ZNF804B: variants seen among roughly 807,000 people sequenced by gnomAD.
ZNF804B encodes zinc finger protein 804B, also known as zinc finger 804B.
A neutral mutation model predicts 101.4 loss-of-function variants in ZNF804B; 80 were observed. That is an observed-to-expected ratio of 0.79 (90% CI 0.66 to 0.95). ZNF804B has a LOEUF of 0.95. ZNF804B is among the 40% of genes least tolerant of loss of function. The pLI, the probability that ZNF804B is intolerant of heterozygous loss-of-function variation, is 0.00. For synonymous variants in ZNF804B, 622 were observed against 558.8 expected, an observed-to-expected ratio of 1.11 and a Z score of -1.59; for missense variants, 1,673 against 1,561.9, an observed-to-expected ratio of 1.07 and a Z score of -1.20.
chr7:88,904,773 T>C (rs945050496), intron 1 of ZNF804B, among the ~76,000 whole-genome samples: 2 of 152,214 alleles, frequency 1.3e-5, no homozygotes, highest in Non-Finnish European at 2.9e-5. Context: ...TACGTAGAAA[T>C]GCTACTGATT....
chr7:89,087,890 C>T (rs1047386356), intron 1 of ZNF804B, among the ~76,000 whole-genome samples: 12 of 151,702 alleles, frequency 7.9e-5, no homozygotes, highest in Non-Finnish European at 1.6e-4. Context: ...CAGGAAATGT[C>T]CATGTTCAAT....
intron 3 of ZNF804B, among the ~76,000 whole-genome samples, chr7:89,328,796 C>T (rs1000083160): frequency 1.3e-5 from 2 of 151,794 alleles, no homozygotes; most frequent in African/African-American, 4.8e-5. Flanking sequence ...AAGGGCACAA[C>T]AGTAAATCTA....
chr7:89,052,356 A>G (rs1399531973), intron 1 of ZNF804B, among the ~76,000 whole-genome samples: 1 of 152,044 alleles, frequency 6.6e-6, no homozygotes, highest in Non-Finnish European at 1.5e-5. Flanking sequence ...GTATTTCCTA[A>G]GTTTCTAAAT....
chr7:89,050,525 G>A lies in ZNF804B; in HGVS notation c.109-167630G>A, dbSNP rs377079934. 3.1e-4 allele frequency among the ~76,000 whole-genome samples: 47 copies of A among 152,180 alleles called. 2 individuals carry two copies. Among genetic ancestry groups the A allele is most frequent in the East Asian group, 1.9e-3 (10 of 5,166 alleles). On this transcript the variant is annotated intron_variant, in intron 1 of 3. Transcript: ENST00000333190. ...TGATCCTTGGATTAATGTCCCTGAT[G>A]GTTAGTCATTTTGTTAATTCACCTG... is the stretch of plus-strand genomic sequence containing the variant.
chr7:89,220,024 T>TATATACGCACATATATGTGCATATATAC lies in ZNF804B; in HGVS notation c.249+1734_249+1735insCGCACATATATGTGCATATATACATATA, dbSNP rs1562920253. On this transcript the variant is annotated intron_variant, in intron 2 of 3. Coordinates refer to ENST00000333190, the MANE Select transcript of ZNF804B (RefSeq NM_181646.5). The stretch of plus-strand genomic sequence containing the variant: ...ATATGCACATATATGTGTGTATACA[T>TATATACGCACATATATGTGCATATATAC]ATATATACGCACATATATGTGCATA... Among the ~76,000 whole-genome samples the TATATACGCACATATATGTGCATATATAC allele has an allele frequency of 8.8e-5, 10 of 113,506 alleles. 3 individuals carry two copies. Among genetic ancestry groups the TATATACGCACATATATGTGCATATATAC allele is most frequent in the South Asian group, 7.5e-4 (3 of 4,026 alleles). The allele number at this position is 113,506 out of a possible 152,430, so 74.5% of individuals were successfully genotyped here.
intron 1 of ZNF804B, among the ~76,000 whole-genome samples, chr7:88,995,266 C>G (rs1793904938): frequency 6.6e-6 from 1 of 151,802 alleles, no homozygotes; most frequent in Admixed American, 6.6e-5. Context: ...AAAGTTGAAC[C>G]TATATCAGAA....
intron 2 of ZNF804B, among the ~76,000 whole-genome samples, chr7:89,315,582 T>G (rs1790712480): frequency 6.6e-6 from 1 of 152,170 alleles, no homozygotes; most frequent in South Asian, 2.1e-4. Flanking sequence ...TTGTTGATTT[T>G]TATATTATAT....
At chr7:88,887,176 T>C (rs1159227567) in intron 1 of ZNF804B, among the ~76,000 whole-genome samples, 3 of 88,440 alleles carry the variant, frequency 3.4e-5, no homozygotes, top group Non-Finnish European at 6.3e-5. Flanking sequence ...ATCATTTCTT[T>C]AGAAAACAAA....
intron 1 of ZNF804B, among the ~76,000 whole-genome samples, chr7:89,128,016 G>A (rs542923746): frequency 9.2e-5 from 14 of 151,806 alleles, no homozygotes; most frequent in Non-Finnish European, 1.0e-4. Flanking sequence ...TGGCACTGAA[G>A]TACTTTTGTA....
intron 1 of ZNF804B, among the ~76,000 whole-genome samples, chr7:88,799,764 T>C (rs372080921): frequency 1.3e-5 from 2 of 152,078 alleles, no homozygotes; most frequent in Non-Finnish European, 2.9e-5. Context: ...GAATCTGAGA[T>C]GTTCTTGAGA....
chr7:89,230,591 G>A (rs1789176795), intron 2 of ZNF804B, among the ~76,000 whole-genome samples: 1 of 152,090 alleles, frequency 6.6e-6, no homozygotes, highest in Non-Finnish European at 1.5e-5. Flanking sequence ...TAGATCAACA[G>A]AGCAGAGTAG....
intron 1 of ZNF804B, among the ~76,000 whole-genome samples, chr7:88,876,802 C>T (rs2115895397): frequency 6.6e-6 from 1 of 150,986 alleles, no homozygotes; most frequent in East Asian, 2.0e-4. Context: ...TATGCTTTAG[C>T]TCTAATAAAA....
At chr7:88,894,650 C>T (rs1212421882) in intron 1 of ZNF804B, among the ~76,000 whole-genome samples, 2 of 151,934 alleles carry the variant, frequency 1.3e-5, no homozygotes, top group African/African-American at 4.8e-5. Flanking sequence ...TTGGTAAATC[C>T]ATATGATAAA....
intron 1 of ZNF804B, among the ~76,000 whole-genome samples, chr7:88,854,527 TTTCCTTCCTTCCTTCC>T (rs1207265464): frequency 1.5e-4 from 6 of 40,074 alleles, no homozygotes; most frequent in Non-Finnish European, 2.3e-4. Context: ...CTTTCCTTCC[TTTCCTTCCTTCCTTCC>T]TTCCTTCCTT....
Position 89,084,844 on chromosome 7 carries a change from C to T in ZNF804B, c.109-133311C>T, listed in dbSNP as rs79116706. On this transcript the variant is annotated intron_variant, in intron 1 of 3. Transcript: ENST00000333190. ...CTATTTTTCACATTTTTGTTCTATT[C>T]GGACTGGATTTTTACTTCTTCAATA... 5.7e-3 allele frequency among the ~76,000 whole-genome samples: 870 copies of T among 151,774 alleles called. 26 individuals are homozygous for T. Among genetic ancestry groups the T allele is most frequent in the East Asian group, 0.057 (296 of 5,170 alleles).
chr7:88,902,852 C>T (rs754832153), intron 1 of ZNF804B, among the ~76,000 whole-genome samples: 5 of 152,020 alleles, frequency 3.3e-5, no homozygotes, highest in Non-Finnish European at 5.9e-5. Flanking sequence ...TCCAAGATGG[C>T]ATTTGCTATT....
chr7:89,192,011 T>C (rs921955067), intron 1 of ZNF804B, among the ~76,000 whole-genome samples: 2 of 152,152 alleles, frequency 1.3e-5, no homozygotes, highest in African/African-American at 2.4e-5. Flanking sequence ...GATCCTGTTA[T>C]GTATGAGATA....
intron 1 of ZNF804B, among the ~76,000 whole-genome samples, chr7:89,138,625 A>G (rs1790671631): frequency 6.6e-6 from 1 of 152,122 alleles, no homozygotes. Flanking sequence ...GGGGCTAGAG[A>G]TGAAATAATA....
intron 2 of ZNF804B, among the ~76,000 whole-genome samples, chr7:89,265,308 GCA>G (rs1789776396): frequency 1.4e-5 from 2 of 143,668 alleles, no homozygotes; most frequent in African/African-American, 5.2e-5. Context: ...GTGCGCGCGC[GCA>G]CACATGCACG....
Sources: gnomAD v4.1 joint callset for allele counts (sites outside exome capture counted in the v4.1 genomes callset) on GRCh38, gnomAD v4.1.1 for gene constraint, MANE v1.5 for transcripts, NCBI Gene and HGNC (gene_info 2026-07-23, HGNC 2026-07-21) for gene names.